The following CYLC1 variants were observed in gnomAD, a reference collection of about 807,000 sequenced individuals.
CYLC1 encodes the protein cylicin 1.
A neutral mutation model predicts 31.6 loss-of-function variants in CYLC1; 2 were observed. The observed-to-expected ratio is 0.06, with a 90% CI of 0.03 to 0.20. The LOEUF (loss-of-function observed/expected upper bound fraction) is 0.20, where lower values mean the gene tolerates loss of function less well. Among genes scored for constraint, CYLC1 ranks in the 10% least tolerant of loss-of-function variants. The pLI, the probability that CYLC1 is intolerant of heterozygous loss-of-function variation, is 1.00. For synonymous variants in CYLC1, 185 were observed against 153.0 expected, an observed-to-expected ratio of 1.21 and a Z score of -1.54; for missense variants, 595 against 424.1, an observed-to-expected ratio of 1.40 and a Z score of -3.54.
intron 1 of CYLC1, chrX:83,864,721 T>C (rs1295705128): frequency 3.1e-6 from 1 of 319,774 alleles, no homozygotes; most frequent in Non-Finnish European, 6.0e-6. Flanking sequence ...TTATTTCAGA[T>C]TTTTGTCCTT....
At chrX:83,883,396 T>A (rs1408431399) in intron 4 of CYLC1, among the ~76,000 whole-genome samples, 8 of 112,034 alleles carry the variant, frequency 7.1e-5, no homozygotes, top group African/African-American at 1.9e-4. Flanking sequence ...TTACTATGTT[T>A]TATCTATCAA....
At chrX:83,869,969 A>G (rs1211819221) in intron 2 of CYLC1, 64 bp downstream of exon 2, 8 of 632,967 alleles carry the variant, frequency 1.3e-5, no homozygotes, top group Non-Finnish European at 2.1e-6. Flanking sequence ...GGAACTAATG[A>G]CAAGTATATT....
chrX:83,877,914 A>AAATT (rs1556035033), intron 4 of CYLC1, among the ~76,000 whole-genome samples: 5 of 64,404 alleles, frequency 7.8e-5, no homozygotes, highest in Admixed American at 2.6e-4. Flanking sequence ...ATATAAATAT[A>AAATT]TATATATATA....
intron 3 of CYLC1, among the ~76,000 whole-genome samples, chrX:83,872,032 C>A (rs1208361920): frequency 1.8e-5 from 2 of 110,834 alleles, no homozygotes; most frequent in Non-Finnish European, 3.8e-5. Flanking sequence ...ATTATGATAT[C>A]AAACAATTTT....
chrX:83,864,608 A>G (rs1169700001), intron 1 of CYLC1: 2 of 233,214 alleles, frequency 8.6e-6, no homozygotes, highest in Non-Finnish European at 1.6e-5. Flanking sequence ...GGATAATTCA[A>G]AAAGAACAAA....
chrX:83,868,583 A>T lies in CYLC1; in HGVS notation c.18-1282A>T, dbSNP rs2031621837. ...GAGACTGATTCTGGTGCTTATTGTG[A>T]AATGGTGGTCAAGAATCACACTTTT... On this transcript the variant is annotated intron_variant, in intron 1 of 4. Transcript: ENST00000329312. Among the ~76,000 whole-genome samples, 5 of 111,033 alleles carry T rather than the reference A, an allele frequency of 4.5e-5. No individual in the cohort carries two copies. The Admixed American group carries it at 4.8e-4, about 11-fold the overall frequency.
intron 1 of CYLC1, among the ~76,000 whole-genome samples, chrX:83,866,322 G>A (rs2031592332): frequency 9.0e-6 from 1 of 111,662 alleles, no homozygotes; most frequent in African/African-American, 3.3e-5. Flanking sequence ...AGTAAACTCT[G>A]TTAGATATCA....
intron 4 of CYLC1, among the ~76,000 whole-genome samples, chrX:83,882,814 T>C (rs1366121220): frequency 9.0e-6 from 1 of 111,325 alleles, no homozygotes; most frequent in Non-Finnish European, 1.9e-5. Context: ...AAATTTTGTC[T>C]ATTAGCTCCT....
intron 1 of CYLC1, among the ~76,000 whole-genome samples, chrX:83,861,414 C>T (rs755452596): frequency 9.1e-6 from 1 of 110,241 alleles, no homozygotes; most frequent in South Asian, 3.9e-4. Context: ...TTACAAAATA[C>T]CTGCGAATCT....
chrX:83,863,833 C>A (rs2031552818), intron 1 of CYLC1, among the ~76,000 whole-genome samples: 1 of 111,660 alleles, frequency 9.0e-6, no homozygotes, highest in African/African-American at 3.3e-5. Flanking sequence ...CTGTAAGAAA[C>A]TACCAGAAAC....
At chrX:83,877,405 T>G (rs1336416037) in intron 4 of CYLC1, among the ~76,000 whole-genome samples, 1 of 111,228 alleles carries the variant, frequency 9.0e-6, no homozygotes, top group Non-Finnish European at 1.9e-5. Flanking sequence ...TAAGCCACCA[T>G]GTCTGGCAGA....
intron 4 of CYLC1, among the ~76,000 whole-genome samples, chrX:83,877,596 G>A (rs369188736): frequency 9.3e-6 from 1 of 108,023 alleles, no homozygotes; most frequent in African/African-American, 3.4e-5. Flanking sequence ...TGTTTCCTCT[G>A]ATTGGAATAT....
At position 83,879,469 on chromosome X, in the gene CYLC1, A is replaced by G. The variant is rs1010565512; in HGVS notation, c.1923+4838A>G. ...ACTTGACAATATCATGGTCATCCAT[A>G]TAAGTCGTTAGACATACATCTATTG... On this transcript the variant is annotated intron_variant, in intron 4 of 4. Transcript: ENST00000329312. Among the ~76,000 whole-genome samples the G allele has an allele frequency of 5.4e-5, 6 of 112,147 alleles. No homozygotes were observed. The Admixed American group carries it at 5.7e-4, about 11-fold the overall frequency.
Position 83,874,214 on chromosome X carries a change from G to T in CYLC1, c.1506G>T (p.Lys502Asn), listed in dbSNP as rs768170993. Reference protein sequence around the residue: ...LKKDKKHSKEKKGSKKDIKKD... With the variant: ...LKKDKKHSKENKGSKKDIKKD... ...AGGACAAGAAACACTCAAAGGAAAAGAAAGGTTCAAAGAAAGATATCAAGA... is the reference window on the plus strand; with the variant it reads ...AGGACAAGAAACACTCAAAGGAAAATAAAGGTTCAAAGAAAGATATCAAGA... The change falls in exon 4 of 5, where the codon AAG (lysine) becomes AAT (asparagine). Residue 502 changes from lysine (K) to asparagine (N), a missense_variant. Lys to Asn is a moderately conservative substitution (Grantham distance 94). Coordinates refer to ENST00000329312, the MANE Select transcript of CYLC1 (RefSeq NM_021118.3). 11 of 1,205,783 alleles carry T rather than the reference G, an allele frequency of 9.1e-6. No homozygotes were observed. The East Asian group carries it at 1.8e-4, about 20-fold the overall frequency.
chrX:83,873,592 G>T lies in CYLC1; in HGVS notation c.884G>T (p.Ser295Ile). The T allele has an allele frequency of 8.4e-7, 1 of 1,189,707 alleles. No homozygotes were observed. Among genetic ancestry groups the T allele is most frequent in the Non-Finnish European group, 1.1e-6 (1 of 882,972 alleles). The change falls in exon 4 of 5, where the codon AGC (serine) becomes ATC (isoleucine). Residue 295 changes from serine (S) to isoleucine (I), a missense_variant. Transcript: ENST00000329312. ...GACACAAAAAAGAATGCAAAGAAAA[G>T]CTCTGATGCTGAATCTGAAGACTCA... is the stretch of plus-strand genomic sequence containing the variant. ...KKDTKKNAKK[S>I]SDAESEDSKD...
intron 4 of CYLC1, among the ~76,000 whole-genome samples, chrX:83,881,948 A>G (rs2031915127): frequency 9.1e-6 from 1 of 110,218 alleles, no homozygotes; most frequent in African/African-American, 3.3e-5. Flanking sequence ...TGCCCACCTC[A>G]GCCTCCCAAA....
At chrX:83,871,924 A>G (rs2031671096) in intron 3 of CYLC1, among the ~76,000 whole-genome samples, 1 of 111,226 alleles carries the variant, frequency 9.0e-6, no homozygotes, top group Admixed American at 9.6e-5. Context: ...TATGAAATTC[A>G]GAGACGATAT....
intron 1 of CYLC1, among the ~76,000 whole-genome samples, chrX:83,868,411 A>G (rs760111534): frequency 9.0e-6 from 1 of 110,984 alleles, no homozygotes; most frequent in East Asian, 2.8e-4. Flanking sequence ...CGGGAGCTCA[A>G]TATATCACTA....
intron 4 of CYLC1, among the ~76,000 whole-genome samples, chrX:83,876,163 A>G (rs754665412): frequency 1.3e-4 from 14 of 110,573 alleles, no homozygotes; most frequent in Admixed American, 5.9e-4. Flanking sequence ...AGATAAAAAC[A>G]TCTTTTATCA....
Sources: gnomAD v4.1 joint callset for allele counts (sites outside exome capture counted in the v4.1 genomes callset) on GRCh38, gnomAD v4.1.1 for gene constraint, MANE v1.5 for transcripts, NCBI Gene and HGNC (gene_info 2026-07-23, HGNC 2026-07-21) for gene names.